TESMIN: variants seen among roughly 807,000 people sequenced by gnomAD.
TESMIN encodes the protein testis expressed metallothionein like protein.
In TESMIN, 34 loss-of-function variants were observed where a neutral mutation model predicts 47.4. The ratio of observed to expected loss-of-function variants is 0.72; its 90% CI spans 0.55 to 0.96. The LOEUF (loss-of-function observed/expected upper bound fraction) is 0.96. Ranked by LOEUF, TESMIN falls within the 40% of genes least tolerant of loss-of-function variation. The pLI is 0.00. For synonymous variants in TESMIN, 278 were observed against 258.9 expected, an observed-to-expected ratio of 1.07 and a Z score of -0.71; for missense variants, 610 against 637.2, an observed-to-expected ratio of 0.96 and a Z score of 0.46.
chr11:68,713,541 G>T (rs1297411674), intron 7 of TESMIN, 134 bp from the exon 8 acceptor site: 3 of 920,006 alleles, frequency 3.3e-6, no homozygotes, highest in Non-Finnish European at 4.8e-6. Context: ...TGGTTCAGAA[G>T]GTGCAGCCCC....
chr11:68,724,270 A>T (rs1421284122), intron 6 of TESMIN, among the ~76,000 whole-genome samples: 2 of 152,222 alleles, frequency 1.3e-5, no homozygotes, highest in East Asian at 1.9e-4. Context: ...AAACAATCTG[A>T]TCATTTCAAC....
At chr11:68,724,401 G>A (rs1946237071) in intron 6 of TESMIN, among the ~76,000 whole-genome samples, 2 of 152,154 alleles carry the variant, frequency 1.3e-5, no homozygotes, top group East Asian at 3.8e-4. Flanking sequence ...ACCTGAGAAG[G>A]GCACGTAGCA....
chr11:68,743,112 G>A (rs116100176), intron 4 of TESMIN, among the ~76,000 whole-genome samples: 4 of 152,040 alleles, frequency 2.6e-5, no homozygotes, highest in Admixed American at 6.5e-5. Context: ...TACTGGGCTC[G>A]AGCAATCCTC....
chr11:68,745,183 T>G, intron 3 of TESMIN, 72 bp from the exon 4 acceptor site: 1 of 1,401,836 alleles, frequency 7.1e-7, no homozygotes, highest in Admixed American at 2.5e-5. Context: ...TAAATAAACT[T>G]AAATCTGAGA....
intron 6 of TESMIN, among the ~76,000 whole-genome samples, chr11:68,725,693 G>T (rs1946254566): frequency 6.6e-6 from 1 of 151,934 alleles, no homozygotes; most frequent in African/African-American, 2.4e-5. Context: ...GGCTGGTCTC[G>T]AACTCCTCGG....
Position 68,750,308 on chromosome 11 carries a change from G to C in TESMIN, c.353C>G (p.Pro118Arg), listed in dbSNP as rs1195998782. The C allele has an allele frequency of 6.6e-7, 1 of 1,526,032 alleles. No individual in the cohort carries two copies. The highest frequency in any genetic ancestry group is 8.8e-7 in the Non-Finnish European group (1 of 1,142,494). The allele number at this position is 1,526,032 out of a possible 1,614,324, so 94.5% of individuals were successfully genotyped here. Reference sequence around the variant, plus strand: ...GGACAGGAAGTGCACGTTGCAGGCGGGCGGCTGCGGGGCCTGCAGGAGCGC... The same window carrying C: ...GGACAGGAAGTGCACGTTGCAGGCGCGCGGCTGCGGGGCCTGCAGGAGCGC... The part of the protein sequence containing the change: ...DVALLQAPQP[P>R]ACNVHFLSSL... Residue 118 changes from proline to arginine, a missense_variant, in exon 2 of 10, where the codon CCC becomes CGC. Coordinates refer to ENST00000255087, the MANE Select transcript of TESMIN (RefSeq NM_004923.3).
chr11:68,739,040 C>G (rs1295733710), intron 5 of TESMIN, among the ~76,000 whole-genome samples: 2 of 152,154 alleles, frequency 1.3e-5, no homozygotes, highest in African/African-American at 4.8e-5. Context: ...GGGCTGGCCT[C>G]CACGGGCTGG....
At position 68,713,342 on chromosome 11, in the gene TESMIN, GACA is replaced by G; in HGVS notation, c.1083_1085del (p.Val362del). The stretch of plus-strand genomic sequence containing the variant: ...TGCACCCTTTGTTGTGCTGGGGCTT[GACA>G]TTGCCCAATTGGCCCTTCCCAATTT... On this transcript the variant is annotated inframe_deletion, in exon 8 of 10. Transcript: ENST00000255087. The G allele has an allele frequency of 6.2e-7, 1 of 1,614,132 alleles. No homozygotes were observed. Among genetic ancestry groups the G allele is most frequent in the East Asian group, 2.2e-5 (1 of 44,880 alleles).
At chr11:68,726,333 C>G (rs1357332680) in intron 6 of TESMIN, among the ~76,000 whole-genome samples, 3 of 152,060 alleles carry the variant, frequency 2.0e-5, no homozygotes, top group South Asian at 2.1e-4. Context: ...AAAAAATTAG[C>G]CAAAAATTGT....
Position 68,724,503 on chromosome 11 carries a change from G to A in TESMIN, c.918-8564C>T, listed in dbSNP as rs537351854. On this transcript the variant is annotated intron_variant, in intron 6 of 9. Transcript: ENST00000255087. ...CATATGGTTGGCTCACCTCAAGAGT[G>A]CATTTCCCAGCTTCCTATTTAGTTG... 7.2e-5 allele frequency among the ~76,000 whole-genome samples: 11 copies of A among 152,306 alleles called. No homozygotes were observed. The South Asian group carries it at 1.4e-3, about 20-fold the overall frequency.
At chr11:68,706,585 G>T (rs964225770), downstream of TESMIN, among the ~76,000 whole-genome samples, 1 of 152,144 alleles carries the variant, frequency 6.6e-6, no homozygotes, top group Non-Finnish European at 1.5e-5. Context: ...GTGCTGAGGC[G>T]CCCGAACCCT....
At chr11:68,718,479 G>A (rs1946168052) in intron 6 of TESMIN, among the ~76,000 whole-genome samples, 3 of 152,192 alleles carry the variant, frequency 2.0e-5, no homozygotes, top group African/African-American at 4.8e-5. Flanking sequence ...ACTAATCAGA[G>A]GAGAAAGCAA....
chr11:68,708,995 C>T (rs1946030165), intron 9 of TESMIN, among the ~76,000 whole-genome samples: 1 of 151,700 alleles, frequency 6.6e-6, no homozygotes, highest in Admixed American at 6.6e-5. Flanking sequence ...TCATGATCTG[C>T]CCTCCTCGGC....
chr11:68,723,898 C>A (rs889224791), intron 6 of TESMIN, among the ~76,000 whole-genome samples: 8 of 152,276 alleles, frequency 5.3e-5, no homozygotes, highest in Admixed American at 2.0e-4. Context: ...ACCACTCCAA[C>A]TCCAATAGAC....
At chr11:68,736,193 T>C in intron 6 of TESMIN, 6 of 985,338 alleles carry the variant, frequency 6.1e-6, no homozygotes, top group Non-Finnish European at 7.2e-6. Context: ...GCATCAACAA[T>C]GTGTCAGAAT....
intron 6 of TESMIN, chr11:68,736,428 A>G (rs1266064450): frequency 1.0e-6 from 1 of 985,328 alleles, no homozygotes; most frequent in African/African-American, 1.7e-5. Context: ...GATATGGCTG[A>G]ACCACACTGG....
chr11:68,727,377 C>G (rs1946277497), intron 6 of TESMIN, among the ~76,000 whole-genome samples: 1 of 152,008 alleles, frequency 6.6e-6, no homozygotes, highest in South Asian at 2.1e-4. Context: ...GAGGTGAAGG[C>G]TGCAGTGAGC....
chr11:68,706,519 G>A (rs538855821), downstream of TESMIN, among the ~76,000 whole-genome samples: 1 of 152,320 alleles, frequency 6.6e-6, no homozygotes, highest in African/African-American at 2.4e-5. Flanking sequence ...GTTGCCTCAG[G>A]AGAATGCTGG....
At chr11:68,723,055 G>A (rs538032066) in intron 6 of TESMIN, among the ~76,000 whole-genome samples, 9 of 152,246 alleles carry the variant, frequency 5.9e-5, no homozygotes. Context: ...ATAAGCCAGT[G>A]AATGGATAGA....
Sources: gnomAD v4.1 joint callset for allele counts (sites outside exome capture counted in the v4.1 genomes callset) on GRCh38, gnomAD v4.1.1 for gene constraint, MANE v1.5 for transcripts, NCBI Gene and HGNC (gene_info 2026-07-23, HGNC 2026-07-21) for gene names.